SFMBT1: variants seen among roughly 807,000 people sequenced by gnomAD.
SFMBT1 encodes scm-like with four MBT domains protein 1.
SFMBT1 carries 32 observed loss-of-function variants against 108.7 expected under a neutral mutation model. The ratio of observed to expected loss-of-function variants is 0.29; its 90% confidence interval spans 0.22 to 0.40. SFMBT1 has a LOEUF of 0.40. Ranked by LOEUF, SFMBT1 falls within the 10% of genes least tolerant of loss-of-function variation. The pLI, the probability that SFMBT1 is intolerant of heterozygous loss-of-function variation, is 1.00. For missense variants in SFMBT1, 816 were observed against 1,059.6 expected (o/e 0.77, Z 3.19); for synonymous variants, 348 against 369.5 (o/e 0.94, Z 0.67).
intron 3 of SFMBT1, among the ~76,000 whole-genome samples, chr3:52,946,236 T>C (rs917319405): frequency 2.0e-5 from 3 of 152,204 alleles, no homozygotes; most frequent in Non-Finnish European, 4.4e-5. Flanking sequence ...GAGAAGACTA[T>C]GAAGACATGA....
At chr3:52,916,093 T>C in intron 14 of SFMBT1, 57 bp downstream of exon 14, 3 of 1,414,346 alleles carry the variant, frequency 2.1e-6, no homozygotes, top group South Asian at 2.3e-5. Context: ...TATTTTCAGA[T>C]ATAGTCCATT....
At chr3:52,962,862 C>T (rs1377578294) in intron 2 of SFMBT1, among the ~76,000 whole-genome samples, 4 of 144,236 alleles carry the variant, frequency 2.8e-5, no homozygotes, top group East Asian at 2.0e-4. Flanking sequence ...TATGTATATA[C>T]ACTCACATAT....
intron 1 of SFMBT1, among the ~76,000 whole-genome samples, chr3:53,011,906 T>C (rs374888593): frequency 1.3e-5 from 2 of 152,160 alleles, no homozygotes; most frequent in Admixed American, 6.5e-5. Flanking sequence ...GATTGTAGGT[T>C]TGCAAGTCAA....
chr3:53,046,039 G>C lies in SFMBT1; in HGVS notation c.-354C>G, dbSNP rs573897625. ...CTCCACCCGCGCTCCGGCGGAGGCG[G>C]CGGCGGCGCTCCGCGCTCCGACTCA... On this transcript the variant is annotated 5_prime_UTR_variant, in exon 1 of 21. Coordinates refer to ENST00000394752, the MANE Select transcript of SFMBT1 (RefSeq NM_016329.4). 1.3e-5 allele frequency: 2 copies of C among 151,442 alleles called. No homozygotes were observed. Among genetic ancestry groups the C allele is most frequent in the East Asian group, 4.0e-4 (2 of 5,056 alleles). The allele number at this position is 151,442 out of a possible 1,614,324, so 9.4% of individuals were successfully genotyped here.
chr3:52,972,893 G>A (rs893725433), intron 1 of SFMBT1, among the ~76,000 whole-genome samples: 6 of 151,604 alleles, frequency 4.0e-5, no homozygotes, highest in East Asian at 1.9e-4. Context: ...GTGTGGTCGC[G>A]GGCACCTGTA....
chr3:52,949,568 C>CTTTTTTTTTTTTTTTTTTTTTTTTTT (rs59842273), intron 3 of SFMBT1, among the ~76,000 whole-genome samples: 2 of 77,414 alleles, frequency 2.6e-5, no homozygotes, highest in African/African-American at 5.7e-5. Context: ...TAATGTCCTT[C>CTTTTTTTTTTTTTTTTTTTTTTTTTT]TTTTTTTTTT....
intron 1 of SFMBT1, among the ~76,000 whole-genome samples, chr3:53,011,111 G>A (rs1422080249): frequency 2.6e-5 from 4 of 152,168 alleles, no homozygotes; most frequent in African/African-American, 9.7e-5. Flanking sequence ...GAAATGCAAG[G>A]CTTTTCAAAA....
At chr3:53,018,836 C>T (rs1432811943) in intron 1 of SFMBT1, among the ~76,000 whole-genome samples, 1 of 152,204 alleles carries the variant, frequency 6.6e-6, no homozygotes, top group African/African-American at 2.4e-5. Flanking sequence ...TGACACTACT[C>T]TCCTGGTTTT....
chr3:52,905,238 G>T lies in SFMBT1; in HGVS notation c.2499C>A (p.Pro833=). ...TTAAGTCCATGCATTCTTGAACAGT[G>T]GGAAGGGTAAGGAGCAACAGGGCCT... The part of the protein sequence containing the change: ...DGQALLLLTL[P]TVQECMDLKL... Residue 833 remains proline, a synonymous_variant, in exon 21 of 21, where the codon CCC becomes CCA. Transcript: ENST00000394752. The T allele has an allele frequency of 6.2e-7, 1 of 1,613,888 alleles. No individual in the cohort carries two copies.
Position 52,934,843 on chromosome 3 carries a change from T to C in SFMBT1, c.423A>G (p.Ala141=). The change falls in exon 5 of 21, where the codon GCA becomes GCG. Residue 141 remains alanine, a synonymous_variant. Transcript: ENST00000394752. ...CTAGCAGCGGAACAGGAGGACTACA[T>C]GCTCCTATCAGGGTCTGCCGCAGAA... The part of the protein sequence containing the change: ...DEFLRQTLIG[A]CSPPVPLLEG... 3 of 1,613,798 alleles carry C rather than the reference T, an allele frequency of 1.9e-6. No homozygotes were observed. Among genetic ancestry groups the C allele is most frequent in the Non-Finnish European group, 1.7e-6 (2 of 1,179,840 alleles).
At chr3:52,976,780 CA>C (rs1428182076) in intron 1 of SFMBT1, among the ~76,000 whole-genome samples, 1 of 152,144 alleles carries the variant, frequency 6.6e-6, no homozygotes, top group Non-Finnish European at 1.5e-5. Flanking sequence ...ATAACATGGA[CA>C]TTTTTTTAAA....
intron 1 of SFMBT1, among the ~76,000 whole-genome samples, chr3:52,973,936 G>A (rs1704432114): frequency 2.6e-5 from 4 of 152,136 alleles, no homozygotes. Context: ...GTAGTAACCT[G>A]GCTTCATGTT....
intron 1 of SFMBT1, among the ~76,000 whole-genome samples, chr3:52,984,760 G>A (rs1376470911): frequency 5.5e-5 from 8 of 144,146 alleles, no homozygotes; most frequent in African/African-American, 2.1e-4. Flanking sequence ...GTGTGTGTGT[G>A]TGTGTGTGTC....
intron 1 of SFMBT1, among the ~76,000 whole-genome samples, chr3:53,044,322 T>C (rs772110638): frequency 2.0e-5 from 3 of 152,220 alleles, no homozygotes; most frequent in Non-Finnish European, 2.9e-5. Context: ...TTTATCTTAA[T>C]GTTGCAAATA....
At chr3:52,925,916 G>C (rs977588673) in intron 10 of SFMBT1, 115 bp downstream of exon 10, 3 of 873,936 alleles carry the variant, frequency 3.4e-6, no homozygotes, top group East Asian at 5.7e-5. Context: ...TCACCACTGT[G>C]CTCATCTGGA....
chr3:53,000,643 A>C (rs1331741467), intron 1 of SFMBT1, among the ~76,000 whole-genome samples: 1 of 150,140 alleles, frequency 6.7e-6, no homozygotes, highest in Non-Finnish European at 1.5e-5. Context: ...TTCTAGGTGA[A>C]AGACAAAGTG....
At chr3:52,970,538 G>C (rs1704303172) in intron 1 of SFMBT1, among the ~76,000 whole-genome samples, 1 of 152,150 alleles carries the variant, frequency 6.6e-6, no homozygotes, top group Non-Finnish European at 1.5e-5. Context: ...TAACAGATTA[G>C]AAAGAGTAAA....
chr3:52,948,324 CTTAA>C (rs1403463540), intron 3 of SFMBT1, among the ~76,000 whole-genome samples: 2 of 152,036 alleles, frequency 1.3e-5, no homozygotes, highest in Non-Finnish European at 2.9e-5. Context: ...ACTATACTAT[CTTAA>C]TTAAACTTGA....
At chr3:53,039,566 G>A (rs965026605) in intron 1 of SFMBT1, among the ~76,000 whole-genome samples, 4 of 152,186 alleles carry the variant, frequency 2.6e-5, no homozygotes, top group Admixed American at 2.6e-4. Context: ...CAATGTCAAT[G>A]TACTTAATGC....
Sources: allele counts gnomAD v4.1 joint callset (sites outside exome capture counted in the v4.1 genomes callset), GRCh38; gene constraint gnomAD v4.1.1; transcripts MANE v1.5; gene names NCBI Gene and HGNC (gene_info 2026-07-23, HGNC 2026-07-21).